Variants in FOXP1 observed in about 807,000 individuals in gnomAD.
FOXP1 encodes the protein forkhead box protein P1.
A neutral mutation model predicts 98.2 loss-of-function variants in FOXP1; 15 were observed. The ratio of observed to expected loss-of-function variants is 0.15; its 90% confidence interval spans 0.10 to 0.24. The LOEUF is 0.24. Among genes scored for constraint, FOXP1 ranks in the 10% least tolerant of loss-of-function variants. The pLI is 1.00. For synonymous variants in FOXP1, 371 were observed against 314.5 expected (o/e 1.18, Z -1.90); for missense variants, 633 against 848.5 (o/e 0.75, Z 3.15).
chr3:71,158,487 C>T (rs1259890255), intron 6 of FOXP1, among the ~76,000 whole-genome samples: 1 of 152,066 alleles, frequency 6.6e-6, no homozygotes, highest in Non-Finnish European at 1.5e-5. Flanking sequence ...GCCATTTAGG[C>T]AGGGGTGAGC....
At chr3:71,202,117 CCT>C (rs2108407908) in intron 5 of FOXP1, among the ~76,000 whole-genome samples, 1 of 152,242 alleles carries the variant, frequency 6.6e-6, no homozygotes, top group Admixed American at 6.5e-5. Flanking sequence ...ATGAGAAGGC[CCT>C]GTTTTTGCTC....
intron 4 of FOXP1, among the ~76,000 whole-genome samples, chr3:71,358,223 T>G (rs2078300298): frequency 6.6e-6 from 1 of 152,228 alleles, no homozygotes; most frequent in Non-Finnish European, 1.5e-5. Flanking sequence ...AATTTAATCG[T>G]TCTTCATTGG....
At chr3:71,311,235 C>G (rs138616464) in intron 4 of FOXP1, among the ~76,000 whole-genome samples, 1 of 152,092 alleles carries the variant, frequency 6.6e-6, no homozygotes, top group African/African-American at 2.4e-5. Context: ...TCTAGAGGCA[C>G]GTGCCACCAT....
chr3:71,526,555 T>G (rs2043396522), intron 2 of FOXP1, among the ~76,000 whole-genome samples: 1 of 152,236 alleles, frequency 6.6e-6, no homozygotes, highest in Non-Finnish European at 1.5e-5. Flanking sequence ...ATGAGTCATT[T>G]TAGGGTCTTA....
intron 3 of FOXP1, among the ~76,000 whole-genome samples, chr3:71,414,096 C>T (rs2083007631): frequency 6.6e-6 from 1 of 152,030 alleles, no homozygotes; most frequent in African/African-American, 2.4e-5. Flanking sequence ...AGAAAAGCCA[C>T]CGAGAAGCAC....
intron 20 of FOXP1, among the ~76,000 whole-genome samples, chr3:70,962,004 C>A (rs567660934): frequency 1.3e-5 from 2 of 152,308 alleles, no homozygotes; most frequent in African/African-American, 4.8e-5. Flanking sequence ...TGCTAAAATA[C>A]CCTACATTCT....
chr3:71,089,520 A>T (rs1285533830), intron 7 of FOXP1, among the ~76,000 whole-genome samples: 1 of 152,212 alleles, frequency 6.6e-6, no homozygotes, highest in Non-Finnish European at 1.5e-5. Flanking sequence ...TAAGACACTA[A>T]GGTTTGGAGT....
At chr3:71,363,720 C>T (rs922149541) in intron 3 of FOXP1, among the ~76,000 whole-genome samples, 1 of 152,164 alleles carries the variant, frequency 6.6e-6, no homozygotes. Context: ...GCTAAACGTT[C>T]ATCAAATCCA....
chr3:71,325,167 C>A (rs1024645961), intron 4 of FOXP1, among the ~76,000 whole-genome samples: 6 of 152,000 alleles, frequency 3.9e-5, no homozygotes, highest in Non-Finnish European at 5.9e-5. Context: ...ATTCTCCCAC[C>A]TCAGTCTCCC....
intron 7 of FOXP1, among the ~76,000 whole-genome samples, chr3:71,097,915 A>C (rs909745743): frequency 4.6e-5 from 7 of 152,242 alleles, no homozygotes; most frequent in Non-Finnish European, 7.3e-5. Flanking sequence ...ACTGGGTGTC[A>C]TCCTCAAAAA....
intron 3 of FOXP1, among the ~76,000 whole-genome samples, chr3:71,454,117 C>T (rs1253535011): frequency 6.6e-6 from 1 of 152,150 alleles, no homozygotes; most frequent in Non-Finnish European, 1.5e-5. Context: ...TAAGATGTCC[C>T]TTCTCCAGTG....
chr3:71,270,029 G>A (rs1254706430), intron 5 of FOXP1, among the ~76,000 whole-genome samples: 2 of 152,180 alleles, frequency 1.3e-5, no homozygotes, highest in African/African-American at 2.4e-5. Context: ...GAGTGGGTTC[G>A]GTTTGTCACT....
intron 7 of FOXP1, among the ~76,000 whole-genome samples, chr3:71,055,378 G>A (rs2050480504): frequency 6.6e-6 from 1 of 152,170 alleles, no homozygotes; most frequent in African/African-American, 2.4e-5. Context: ...AGCTCTGGAA[G>A]GTCATCCATG....
intron 6 of FOXP1, among the ~76,000 whole-genome samples, chr3:71,115,644 T>G (rs1247703179): frequency 6.6e-6 from 1 of 151,754 alleles, no homozygotes; most frequent in Non-Finnish European, 1.5e-5. Context: ...GTCTCAATTT[T>G]TAAATAGTCA....
At chr3:70,971,748 G>A in intron 18 of FOXP1, 1 of 327,034 alleles carries the variant, frequency 3.1e-6, no homozygotes, top group Non-Finnish European at 5.5e-6. Flanking sequence ...TTAAGCACAA[G>A]TATTTAGTTC....
intron 4 of FOXP1, among the ~76,000 whole-genome samples, chr3:71,301,050 C>T (rs2073801968): frequency 6.6e-6 from 1 of 152,042 alleles, no homozygotes; most frequent in African/African-American, 2.4e-5. Context: ...CAGATTCTTG[C>T]CATTAAGATT....
intron 5 of FOXP1, among the ~76,000 whole-genome samples, chr3:71,292,178 G>A (rs191944188): frequency 7.0e-4 from 106 of 152,070 alleles, no homozygotes; most frequent in Non-Finnish European, 2.2e-4. Flanking sequence ...GACCACTGAG[G>A]ACCTTTTGAA....
chr3:71,436,137 A>G (rs929250175), intron 3 of FOXP1, among the ~76,000 whole-genome samples: 1 of 151,868 alleles, frequency 6.6e-6, no homozygotes, highest in Non-Finnish European at 1.5e-5. Flanking sequence ...AATTATTCCT[A>G]TTACATATTT....
chr3:71,409,747 CAG>C (rs2082595410), intron 3 of FOXP1, among the ~76,000 whole-genome samples: 1 of 152,174 alleles, frequency 6.6e-6, no homozygotes, highest in Non-Finnish European at 1.5e-5. Context: ...TCCTTAAAAA[CAG>C]TGTGCAGTAA....
Sources: allele counts gnomAD v4.1 joint callset (sites outside exome capture counted in the v4.1 genomes callset), GRCh38; gene constraint gnomAD v4.1.1; transcripts MANE v1.5; gene names NCBI Gene and HGNC (gene_info 2026-07-23, HGNC 2026-07-21).